CNTLN: variants seen among roughly 807,000 people sequenced by gnomAD.
CNTLN encodes the protein centlein, also known as centlein, centrosomal protein.
A neutral mutation model predicts 180.0 loss-of-function variants in CNTLN; 212 were observed. The observed-to-expected ratio is 1.18, with a 90% confidence interval of 1.05 to 1.32. CNTLN has a LOEUF of 1.32. Among genes scored for constraint, CNTLN ranks in the 40% most tolerant of loss-of-function variants. The probability of loss-of-function intolerance (pLI) is 0.00; values close to 1 mark genes in which losing one functional copy is unlikely to be tolerated. For synonymous variants in CNTLN, 722 were observed against 563.1 expected, an observed-to-expected ratio of 1.28 and a Z score of -3.99; for missense variants, 2,095 against 1,610.9, an observed-to-expected ratio of 1.30 and a Z score of -5.14.
intron 15 of CNTLN, among the ~76,000 whole-genome samples, chr9:17,407,196 A>C (rs1265475190): frequency 1.3e-5 from 2 of 152,206 alleles, no homozygotes; most frequent in Non-Finnish European, 2.9e-5. Context: ...AGAAAAGTGT[A>C]GTTGTGACAT....
chr9:17,523,754 A>G, the CNTLN span, among the ~76,000 whole-genome samples: 1 of 152,174 alleles, frequency 6.6e-6, no homozygotes, highest in East Asian at 1.9e-4. Context: ...TTACACTAAT[A>G]TCTCAGGAAG....
At chr9:17,185,563 TC>T (rs1821377153) in intron 2 of CNTLN, among the ~76,000 whole-genome samples, 1 of 152,192 alleles carries the variant, frequency 6.6e-6, no homozygotes, top group African/African-American at 2.4e-5. Context: ...AGTTTACTTT[TC>T]CCTGTTAATA....
chr9:17,222,089 A>G (rs113776615), intron 2 of CNTLN, among the ~76,000 whole-genome samples: 4 of 152,164 alleles, frequency 2.6e-5, no homozygotes, highest in Admixed American at 2.6e-4. Flanking sequence ...GTCAGCATAC[A>G]CACAGGCTGT....
chr9:17,496,208 C>G (rs1421772422), intron 25 of CNTLN, among the ~76,000 whole-genome samples: 1 of 152,168 alleles, frequency 6.6e-6, no homozygotes, highest in Non-Finnish European at 1.5e-5. Context: ...TCTTTTGGAT[C>G]CTTCCCCATC....
At chr9:17,411,285 G>A (rs938979461) in intron 16 of CNTLN, among the ~76,000 whole-genome samples, 1 of 152,114 alleles carries the variant, frequency 6.6e-6, no homozygotes, top group Admixed American at 6.5e-5. Context: ...CAAAGGACCT[G>A]GAAAAGGCCA....
At chr9:17,251,354 G>C (rs1244421021) in intron 5 of CNTLN, among the ~76,000 whole-genome samples, 2 of 151,712 alleles carry the variant, frequency 1.3e-5, no homozygotes, top group African/African-American at 2.4e-5. Context: ...CCATTTTCTT[G>C]GTCCCTTCTC....
At chr9:17,516,839 G>T in the CNTLN span, among the ~76,000 whole-genome samples, 3 of 152,136 alleles carry the variant, frequency 2.0e-5, no homozygotes, top group African/African-American at 7.2e-5. Context: ...ACTTGATCTA[G>T]ATTTTGTCTC....
chr9:17,288,019 C>G (rs912131821), intron 6 of CNTLN, among the ~76,000 whole-genome samples: 2 of 138,992 alleles, frequency 1.4e-5, no homozygotes, highest in African/African-American at 3.0e-5. Flanking sequence ...CAGTTCTGCT[C>G]TGATGTTAGT....
intron 23 of CNTLN, among the ~76,000 whole-genome samples, chr9:17,484,042 C>G (rs1832777162): frequency 6.6e-6 from 1 of 152,056 alleles, no homozygotes. Context: ...AAGCAAGATA[C>G]CAGTTGGTGT....
intron 23 of CNTLN, among the ~76,000 whole-genome samples, chr9:17,477,910 A>T (rs1832438637): frequency 6.6e-6 from 1 of 152,248 alleles, no homozygotes; most frequent in Non-Finnish European, 1.5e-5. Flanking sequence ...ACTGAACAGC[A>T]TCACATGCTA....
chr9:17,296,512 ATG>A (rs1004984145), intron 6 of CNTLN, among the ~76,000 whole-genome samples: 4 of 152,072 alleles, frequency 2.6e-5, no homozygotes, highest in African/African-American at 9.7e-5. Flanking sequence ...TCTTTTCTAA[ATG>A]TGACATTTTT....
At chr9:17,505,684 T>C (rs927000956), downstream of CNTLN, among the ~76,000 whole-genome samples, 4 of 152,262 alleles carry the variant, frequency 2.6e-5, no homozygotes, top group South Asian at 4.1e-4. Flanking sequence ...AGGATACTTA[T>C]GTTAAAGATG....
intron 18 of CNTLN, among the ~76,000 whole-genome samples, chr9:17,444,448 G>A (rs41303219): frequency 0.015 from 2,282 of 152,230 alleles, 31 homozygotes; most frequent in Non-Finnish European, 0.024. Flanking sequence ...AGTTTCTATT[G>A]GGCAGGACTG....
At chr9:17,439,635 T>G (rs1829991262) in intron 18 of CNTLN, among the ~76,000 whole-genome samples, 1 of 152,222 alleles carries the variant, frequency 6.6e-6, no homozygotes, top group Non-Finnish European at 1.5e-5. Context: ...ACATTTTATT[T>G]AAGAATGAGA....
intron 18 of CNTLN, among the ~76,000 whole-genome samples, chr9:17,428,936 A>C (rs1444573065): frequency 2.6e-5 from 4 of 151,922 alleles, no homozygotes; most frequent in Non-Finnish European, 5.9e-5. Context: ...ATATTTATTT[A>C]TTAATTTATT....
At chr9:17,454,421 A>G (rs1356968734) in intron 18 of CNTLN, among the ~76,000 whole-genome samples, 2 of 152,210 alleles carry the variant, frequency 1.3e-5, no homozygotes, top group African/African-American at 2.4e-5. Flanking sequence ...TCAGAGGAGC[A>G]TATCTGCCTT....
At chr9:17,199,491 G>T (rs540017391) in intron 2 of CNTLN, among the ~76,000 whole-genome samples, 7 of 152,072 alleles carry the variant, frequency 4.6e-5, no homozygotes, top group Admixed American at 2.6e-4. Context: ...GATTACAGGC[G>T]TAAGCCACCA....
At chr9:17,307,460 G>A (rs1818798391) in intron 7 of CNTLN, among the ~76,000 whole-genome samples, 1 of 152,010 alleles carries the variant, frequency 6.6e-6, no homozygotes, top group Admixed American at 6.6e-5. Flanking sequence ...GGTAGAGACG[G>A]GGATTCGTCA....
intron 18 of CNTLN, among the ~76,000 whole-genome samples, chr9:17,425,609 A>G (rs1829027458): frequency 7.2e-5 from 11 of 152,216 alleles, no homozygotes; most frequent in Admixed American, 7.2e-4. Context: ...GAATTGGGTA[A>G]TAGCTAGAAG....
Sources: allele counts gnomAD v4.1 joint callset (sites outside exome capture counted in the v4.1 genomes callset), GRCh38; gene constraint gnomAD v4.1.1; transcripts MANE v1.5; gene names NCBI Gene and HGNC (gene_info 2026-07-23, HGNC 2026-07-21).